The following ITPR1 variants were observed in gnomAD, a reference collection of about 807,000 sequenced individuals.
The protein encoded by ITPR1 is inositol 1,4,5-trisphosphate-gated calcium channel ITPR1.
A neutral mutation model predicts 318.4 loss-of-function variants in ITPR1; 96 were observed. That is an observed-to-expected ratio of 0.30 (90% CI 0.26 to 0.36). The LOEUF (loss-of-function observed/expected upper bound fraction) is 0.36, where lower values mean the gene tolerates loss of function less well. Among genes scored for constraint, ITPR1 ranks in the 10% least tolerant of loss-of-function variants. The probability of loss-of-function intolerance (pLI) is 1.00; values close to 1 mark genes in which losing one functional copy is unlikely to be tolerated. For missense variants in ITPR1, 2,440 were observed against 3,460.2 expected (o/e 0.71, Z 7.40); for synonymous variants, 1,312 against 1,289.9 (o/e 1.02, Z -0.37).
At chr3:4,604,306 T>C (rs1254125467) in intron 4 of ITPR1, among the ~76,000 whole-genome samples, 3 of 152,066 alleles carry the variant, frequency 2.0e-5, no homozygotes, top group African/African-American at 7.2e-5. Flanking sequence ...TTCGTGGAGT[T>C]GTGGAGGTGG....
intron 44 of ITPR1, among the ~76,000 whole-genome samples, chr3:4,755,532 C>T (rs982774085): frequency 2.6e-5 from 4 of 151,982 alleles, no homozygotes; most frequent in Non-Finnish European, 5.9e-5. Context: ...AGCCACCATA[C>T]TGGACCCTGA....
chr3:4,722,374 G>A (rs2125301551), intron 40 of ITPR1, among the ~76,000 whole-genome samples: 1 of 152,250 alleles, frequency 6.6e-6, no homozygotes, highest in African/African-American at 2.4e-5. Flanking sequence ...CTGGTCCTGG[G>A]ACTAAGCAGG....
intron 5 of ITPR1, among the ~76,000 whole-genome samples, chr3:4,633,560 G>A (rs551896104): frequency 3.3e-5 from 5 of 152,164 alleles, no homozygotes; most frequent in Admixed American, 6.5e-5. Flanking sequence ...AACATCAACA[G>A]CACTTTGAAG....
intron 2 of ITPR1, among the ~76,000 whole-genome samples, chr3:4,499,026 A>G (rs1472253405): frequency 6.6e-6 from 1 of 152,220 alleles, no homozygotes; most frequent in Non-Finnish European, 1.5e-5. Context: ...CATGTAGCAC[A>G]CACCTTGGAC....
intron 39 of ITPR1, among the ~76,000 whole-genome samples, chr3:4,712,573 G>C (rs913102569): frequency 5.3e-5 from 8 of 152,190 alleles, no homozygotes; most frequent in Non-Finnish European, 4.4e-5. Context: ...GCTACATTTA[G>C]CAACAATTTC....
chr3:4,790,213 G>T (rs796196656), intron 52 of ITPR1, among the ~76,000 whole-genome samples: 5 of 152,302 alleles, frequency 3.3e-5, no homozygotes, highest in African/African-American at 1.2e-4. Flanking sequence ...CAGGCCCAAA[G>T]AGTGAGGAAT....
At chr3:4,781,384 G>C (rs1333244934) in intron 49 of ITPR1, among the ~76,000 whole-genome samples, 1 of 152,186 alleles carries the variant, frequency 6.6e-6, no homozygotes, top group African/African-American at 2.4e-5. Flanking sequence ...CATTTGATAA[G>C]TGTTGGCCAC....
At chr3:4,585,741 A>T (rs1000012368) in intron 4 of ITPR1, among the ~76,000 whole-genome samples, 1 of 150,836 alleles carries the variant, frequency 6.6e-6, no homozygotes, top group Non-Finnish European at 1.5e-5. Context: ...CCAGCCTAAC[A>T]TGCACTTTTT....
At chr3:4,641,799 A>G (rs1446658244) in intron 6 of ITPR1, among the ~76,000 whole-genome samples, 1 of 152,202 alleles carries the variant, frequency 6.6e-6, no homozygotes, top group Non-Finnish European at 1.5e-5. Context: ...CACCCCACTG[A>G]CGGATGGCAG....
At position 4,641,618 on chromosome 3, in the gene ITPR1, C is replaced by A. The variant is rs138942191; in HGVS notation, c.367-475C>A. On this transcript the variant is annotated intron_variant, in intron 6 of 61. Coordinates refer to ENST00000649015, the MANE Select transcript of ITPR1 (RefSeq NM_001378452.1). ...CTCAAACTCCTGGGCTCAAGCAGTC[C>A]TTCTGCCTCTGCCTCCCGAAGTGCT... Among the ~76,000 whole-genome samples, 521 of 152,322 alleles carry A rather than the reference C, an allele frequency of 3.4e-3. 2 individuals are homozygous for A. Among genetic ancestry groups the A allele is most frequent in the African/African-American group, 0.011 (469 of 41,568 alleles).
At chr3:4,570,014 G>A (rs1038898) in intron 4 of ITPR1, among the ~76,000 whole-genome samples, 146,276 of 152,238 alleles carry the variant, frequency 0.96, 70,362 homozygotes, top group Middle Eastern at 1. Context: ...AGTCCCAACT[G>A]TAATAGCCAC....
chr3:4,784,540 G>A (rs1435225703), intron 51 of ITPR1, among the ~76,000 whole-genome samples: 3 of 151,254 alleles, frequency 2.0e-5, no homozygotes, highest in African/African-American at 7.3e-5. Flanking sequence ...CCCCAAGAGG[G>A]CATTACAATC....
intron 37 of ITPR1, among the ~76,000 whole-genome samples, chr3:4,707,662 A>T (rs1208943396): frequency 1.3e-5 from 2 of 152,336 alleles, no homozygotes; most frequent in African/African-American, 4.8e-5. Flanking sequence ...AATGTGAAAG[A>T]CAGGATGTAT....
At chr3:4,845,040 G>A (rs117016105) in intron 61 of ITPR1, among the ~76,000 whole-genome samples, 639 of 152,238 alleles carry the variant, frequency 4.2e-3, no homozygotes, top group South Asian at 0.018. Flanking sequence ...ATAAATTTGC[G>A]TATAACCTCG....
intron 10 of ITPR1, among the ~76,000 whole-genome samples, chr3:4,649,792 C>G (rs1463506606): frequency 7.2e-5 from 11 of 152,354 alleles, no homozygotes; most frequent in African/African-American, 2.6e-4. Context: ...TGAGGGCACT[C>G]TTCCTGGTTC....
chr3:4,656,309 G>A lies in ITPR1; in HGVS notation c.997-1815G>A, dbSNP rs116197659. Among the ~76,000 whole-genome samples, 621 of 152,338 alleles carry A rather than the reference G, an allele frequency of 4.1e-3. 6 individuals are homozygous for A. The highest frequency in any genetic ancestry group is 0.014 in the African/African-American group (581 of 41,578). ...AACTTAACTGCCAGCCTGTAGCTGA[G>A]TCCTGTGTCTCAAACCATAGCCAGG... On this transcript the variant is annotated intron_variant, in intron 12 of 61. Coordinates refer to ENST00000649015, the MANE Select transcript of ITPR1 (RefSeq NM_001378452.1).
chr3:4,687,230 C>T (rs1465197979), intron 30 of ITPR1, among the ~76,000 whole-genome samples: 1 of 152,164 alleles, frequency 6.6e-6, no homozygotes, highest in South Asian at 2.1e-4. Flanking sequence ...CCCACAAAGC[C>T]CAAAGTATGT....
chr3:4,581,512 A>G (rs1303990082), intron 4 of ITPR1, among the ~76,000 whole-genome samples: 1 of 152,198 alleles, frequency 6.6e-6, no homozygotes, highest in Non-Finnish European at 1.5e-5. Context: ...GTGGTAATCT[A>G]TATTGGGAGC....
intron 4 of ITPR1, among the ~76,000 whole-genome samples, chr3:4,539,078 CATT>C: frequency 6.6e-6 from 1 of 152,250 alleles, no homozygotes; most frequent in South Asian, 2.1e-4. Flanking sequence ...TAATTATAAA[CATT>C]GACTTCAAAA....
Sources: allele counts gnomAD v4.1 joint callset (sites outside exome capture counted in the v4.1 genomes callset), GRCh38; gene constraint gnomAD v4.1.1; transcripts MANE v1.5; gene names NCBI Gene and HGNC (gene_info 2026-07-23, HGNC 2026-07-21).